The following EPB41L3 variants were observed in gnomAD, a reference collection of about 807,000 sequenced individuals.
EPB41L3 encodes erythrocyte membrane protein band 4.1 like 3.
In EPB41L3, 57 loss-of-function variants were observed where a neutral mutation model predicts 127.1. The ratio of observed to expected loss-of-function variants is 0.45; its 90% CI spans 0.36 to 0.56. EPB41L3 has a LOEUF of 0.56. Ranked by LOEUF, EPB41L3 falls within the 20% of genes least tolerant of loss-of-function variation. The probability of loss-of-function intolerance (pLI) is 0.00; values close to 1 mark genes in which losing one functional copy is unlikely to be tolerated. For missense variants in EPB41L3, 1,273 were observed against 1,372.2 expected (o/e 0.93, Z 1.14); for synonymous variants, 572 against 549.5 (o/e 1.04, Z -0.57).
chr18:5,483,106 T>C (rs1351957929), intron 2 of EPB41L3, among the ~76,000 whole-genome samples: 4 of 152,104 alleles, frequency 2.6e-5, no homozygotes, highest in Non-Finnish European at 5.9e-5. Flanking sequence ...GGATAGGTAA[T>C]ATTAAAATAT....
chr18:5,522,491 T>A (rs1447656585), intron 1 of EPB41L3, among the ~76,000 whole-genome samples: 1 of 152,192 alleles, frequency 6.6e-6, no homozygotes, highest in South Asian at 2.1e-4. Context: ...ATAGAATAAA[T>A]TGTGATCTAA....
chr18:5,585,827 G>T (rs8094843), intron 3 of EPB41L3, among the ~76,000 whole-genome samples: 88,814 of 151,208 alleles, frequency 0.59, 26,434 homozygotes, highest in East Asian at 0.74. Flanking sequence ...CCTGAGAAGC[G>T]GGGGTATTTC....
chr18:5,409,875 T>G (rs1333849825), intron 14 of EPB41L3, among the ~76,000 whole-genome samples: 1 of 152,118 alleles, frequency 6.6e-6, no homozygotes, highest in Admixed American at 6.5e-5. Flanking sequence ...AGAGAAGATT[T>G]GAAAAACAAT....
At chr18:5,614,217 A>C (rs1391379229) in intron 2 of EPB41L3, 2 of 152,244 alleles carry the variant, frequency 1.3e-5, no homozygotes, top group East Asian at 3.8e-4. Flanking sequence ...GTTGTACAGA[A>C]TTATTAATTG....
intron 9 of EPB41L3, among the ~76,000 whole-genome samples, chr18:5,425,095 T>TAC (rs1056793305): frequency 6.6e-6 from 1 of 152,178 alleles, no homozygotes; most frequent in African/African-American, 2.4e-5. Flanking sequence ...CTGAAGAAGG[T>TAC]ACACATCAGA....
At chr18:5,435,716 C>T (rs1041063773) in intron 6 of EPB41L3, among the ~76,000 whole-genome samples, 3 of 152,114 alleles carry the variant, frequency 2.0e-5, no homozygotes, top group African/African-American at 4.8e-5. Context: ...TTATTAGGCC[C>T]CAATTAGCCT....
At chr18:5,416,482 A>T (rs1043635866) in intron 12 of EPB41L3, 104 bp from the exon 13 acceptor site, 1 of 1,299,828 alleles carries the variant, frequency 7.7e-7, no homozygotes, top group Admixed American at 2.8e-5. Flanking sequence ...ATCAATATAA[A>T]ATTGTAAAAC....
rs189981676 is a variant in EPB41L3, at chr18:5,563,197, C to T, written c.-306+49143G>A. Among the ~76,000 whole-genome samples the T allele has an allele frequency of 6.6e-4, 101 of 152,204 alleles. 1 individual carries two copies. The highest frequency in any genetic ancestry group is 1.5e-3 in the African/African-American group (62 of 41,524). ...ATGGGGAATATGTAAGAAGAGAGGA[C>T]GGGAACATTTTGAAGAGAAGCAGGT... On this transcript the variant is annotated intron_variant, in intron 3 of 21. Transcript: ENST00000545076.
At chr18:5,595,958 C>A (rs928297532) in intron 3 of EPB41L3, among the ~76,000 whole-genome samples, 4 of 152,132 alleles carry the variant, frequency 2.6e-5, no homozygotes. Context: ...ATCTTTATAA[C>A]CGTTTTTAAG....
At position 5,428,432 on chromosome 18, in the gene EPB41L3, A is replaced by G. The variant is rs753876871; in HGVS notation, c.946T>C (p.Cys316Arg). The G allele has an allele frequency of 6.2e-7, 1 of 1,614,232 alleles. No individual in the cohort carries two copies. The highest frequency in any genetic ancestry group is 8.5e-7 in the Non-Finnish European group (1 of 1,180,036). Reference protein sequence around the residue: ...SEGVEIMLGVCASGLLIYRDR... With the variant: ...SEGVEIMLGVRASGLLIYRDR... ...CGATATATCAACAGACCACTTGCAC[A>G]AACTCCTAACATAATTTCTACCCCT... Residue 316 changes from cysteine (C) to arginine (R), a missense_variant, in exon 9 of 23, where the codon TGT (cysteine) becomes CGT (arginine). Physicochemically the swap from Cys to Arg is radical, Grantham distance 180. Coordinates refer to ENST00000341928, the MANE Select transcript of EPB41L3 (RefSeq NM_012307.5).
At chr18:5,401,084 GAC>G (rs1205904921) in intron 16 of EPB41L3, 1 of 1,353,604 alleles carries the variant, frequency 7.4e-7, no homozygotes, top group Admixed American at 2.0e-5. Flanking sequence ...AGAGGAAGTA[GAC>G]AGTTTCCAAA....
chr18:5,433,944 T>G lies in EPB41L3; in HGVS notation c.783A>C (p.Lys261Asn). The change falls in exon 7 of 23, where the codon AAA becomes AAC. Residue 261 changes from lysine (K) to asparagine (N), a missense_variant. Transcript: ENST00000341928. Reference sequence around the variant, plus strand: ...GCTCGATCACTTTGTCTTCCAGTTCTTTAGTGTGGTTTGGTGCAAAGCGGA... The same window carrying G: ...GCTCGATCACTTTGTCTTCCAGTTCGTTAGTGTGGTTTGGTGCAAAGCGGA... ...SEFRFAPNHT[K>N]ELEDKVIELH... 7.4e-6 allele frequency: 12 copies of G among 1,614,220 alleles called. No homozygotes were observed. The highest frequency in any genetic ancestry group is 1.0e-5 in the Non-Finnish European group (12 of 1,180,048).
chr18:5,483,225 T>C (rs2088956260), intron 2 of EPB41L3, among the ~76,000 whole-genome samples: 1 of 152,124 alleles, frequency 6.6e-6, no homozygotes, highest in Admixed American at 6.6e-5. Flanking sequence ...TTTTTAGCCT[T>C]TGTTTCTGTT....
intron 1 of EPB41L3, among the ~76,000 whole-genome samples, chr18:5,510,631 T>C (rs2092464336): frequency 6.6e-6 from 1 of 152,194 alleles, no homozygotes; most frequent in Non-Finnish European, 1.5e-5. Context: ...GTGGTCTATA[T>C]ATTATCCTGC....
chr18:5,581,236 A>G (rs1412916966), intron 3 of EPB41L3, among the ~76,000 whole-genome samples: 2 of 152,236 alleles, frequency 1.3e-5, no homozygotes, highest in Admixed American at 6.5e-5. Flanking sequence ...ATTATGAAAA[A>G]TAAGAATATT....
chr18:5,526,538 C>T (rs1442772834), intron 1 of EPB41L3, among the ~76,000 whole-genome samples: 1 of 152,180 alleles, frequency 6.6e-6, no homozygotes, highest in Non-Finnish European at 1.5e-5. Flanking sequence ...TTCGATTTCA[C>T]CAATACCTAC....
intron 1 of EPB41L3, among the ~76,000 whole-genome samples, chr18:5,526,286 T>C (rs1450650302): frequency 1.3e-5 from 2 of 152,214 alleles, no homozygotes; most frequent in Admixed American, 6.5e-5. Flanking sequence ...TTAATTCACG[T>C]GGATCATCAC....
At chr18:5,548,207 C>G (rs1023312445), upstream of EPB41L3, among the ~76,000 whole-genome samples, 7 of 152,144 alleles carry the variant, frequency 4.6e-5, no homozygotes, top group Admixed American at 3.9e-4. Context: ...AAGAGAAATA[C>G]AGGGATGAAT....
chr18:5,598,110 C>T (rs533891652), intron 3 of EPB41L3, among the ~76,000 whole-genome samples: 103 of 152,266 alleles, frequency 6.8e-4, no homozygotes, highest in African/African-American at 2.4e-3. Flanking sequence ...CCAACTGAGG[C>T]CCAGGAACCC....
Sources: gnomAD v4.1 joint callset for allele counts (sites outside exome capture counted in the v4.1 genomes callset) on GRCh38, gnomAD v4.1.1 for gene constraint, MANE v1.5 for transcripts, NCBI Gene and HGNC (gene_info 2026-07-23, HGNC 2026-07-21) for gene names.